The following ANKRD29 variants were observed in gnomAD, a reference collection of about 807,000 sequenced individuals.
ANKRD29 encodes ankyrin repeat domain-containing protein 29.
ANKRD29 carries 32 observed loss-of-function variants against 38.0 expected under a neutral mutation model. The observed-to-expected ratio is 0.84, with a 90% CI of 0.64 to 1.13. The LOEUF (loss-of-function observed/expected upper bound fraction) is 1.13. Among genes scored for constraint, ANKRD29 ranks in the 50% most tolerant of loss-of-function variants. The pLI is 0.00. For synonymous variants in ANKRD29, 135 were observed against 152.4 expected (o/e 0.89, Z 0.84); for missense variants, 357 against 377.9 (o/e 0.94, Z 0.46).
chr18:23,603,973 G>T (rs1462022917), intron 9 of ANKRD29, among the ~76,000 whole-genome samples: 1 of 151,898 alleles, frequency 6.6e-6, no homozygotes, highest in Non-Finnish European at 1.5e-5. Context: ...CTCCCCAGTA[G>T]CTGGGATTAT....
intron 9 of ANKRD29, among the ~76,000 whole-genome samples, chr18:23,601,807 C>G (rs761198850): frequency 4.6e-5 from 7 of 151,792 alleles, no homozygotes; most frequent in Non-Finnish European, 8.8e-5. Flanking sequence ...GTAGCTGGGA[C>G]CACAGATGTG....
intron 8 of ANKRD29, among the ~76,000 whole-genome samples, chr18:23,613,489 CA>C (rs1265771704): frequency 2.0e-5 from 3 of 151,730 alleles, no homozygotes; most frequent in African/African-American, 7.2e-5. Flanking sequence ...TTTAAAAAGC[CA>C]AAAAAGAGCT....
intron 5 of ANKRD29, 39 bp downstream of exon 5, chr18:23,634,012 G>A: frequency 6.3e-7 from 1 of 1,592,896 alleles, no homozygotes; most frequent in Non-Finnish European, 8.6e-7. Context: ...TTTTGTATGT[G>A]ATGAGAAATG....
chr18:23,610,489 A>G (rs1453017563), intron 9 of ANKRD29, among the ~76,000 whole-genome samples: 1 of 152,072 alleles, frequency 6.6e-6, no homozygotes, highest in African/African-American at 2.4e-5. Flanking sequence ...AAACAACAAT[A>G]GCAACAGAAA....
At position 23,637,771 on chromosome 18, in the gene ANKRD29, G is replaced by T. The variant is rs117743699; in HGVS notation, c.330+1078C>A. ...TGATATCTAAATAGTCCACAAAAAG[G>T]ATTAACTAAGAAAACCTAAAAGTTT... On this transcript the variant is annotated intron_variant, in intron 4 of 9. Transcript: ENST00000592179. Among the ~76,000 whole-genome samples the T allele has an allele frequency of 3.0e-3, 461 of 152,098 alleles. 6 individuals are homozygous for T. In the East Asian group the frequency reaches 0.055, roughly 18 times the overall value.
At chr18:23,652,816 G>A (rs1206418324) in intron 1 of ANKRD29, among the ~76,000 whole-genome samples, 1 of 152,196 alleles carries the variant, frequency 6.6e-6, no homozygotes, top group Non-Finnish European at 1.5e-5. Context: ...GGACAACTAA[G>A]TTGAGATCTT....
chr18:23,613,234 G>A (rs1599068752), intron 8 of ANKRD29, among the ~76,000 whole-genome samples: 2 of 146,096 alleles, frequency 1.4e-5, no homozygotes, highest in Admixed American at 7.1e-5. Context: ...GTGCAATGGC[G>A]CAATCTCAGT....
intron 1 of ANKRD29, among the ~76,000 whole-genome samples, chr18:23,656,805 A>AT (rs1403040656): frequency 2.0e-5 from 3 of 152,244 alleles, no homozygotes; most frequent in Non-Finnish European, 4.4e-5. Context: ...GGATAGAAGA[A>AT]TGTTGCTAAT....
chr18:23,614,234 G>A (rs943246283), intron 8 of ANKRD29, among the ~76,000 whole-genome samples: 2 of 151,462 alleles, frequency 1.3e-5, no homozygotes, highest in Non-Finnish European at 2.9e-5. Flanking sequence ...GCTTATTTTT[G>A]TATTTTTAGT....
At chr18:23,640,502 A>G (rs1009253365) in intron 3 of ANKRD29, among the ~76,000 whole-genome samples, 1 of 152,196 alleles carries the variant, frequency 6.6e-6, no homozygotes, top group Non-Finnish European at 1.5e-5. Flanking sequence ...AAAATAAGTA[A>G]TTCACCCACA....
chr18:23,661,296 A>G (rs995378982), intron 1 of ANKRD29, among the ~76,000 whole-genome samples: 4 of 152,212 alleles, frequency 2.6e-5, no homozygotes, highest in Non-Finnish European at 5.9e-5. Context: ...CGAGGAGAGT[A>G]TATCTGTCTA....
rs2059800445 is a variant in ANKRD29 at position 23,621,784 on chromosome 18, C to T, written c.529-2155G>A. On this transcript the variant is annotated intron_variant, in intron 6 of 9. Coordinates refer to ENST00000592179, the MANE Select transcript of ANKRD29 (RefSeq NM_173505.4). ...CAACATCCTGGGCTCAAATGACCCT[C>T]CTATCTCAGCCTTCCTAGTAGCTGA... Among the ~76,000 whole-genome samples the T allele has an allele frequency of 2.0e-5, 3 of 152,120 alleles. No homozygotes were observed. The South Asian group carries it at 6.2e-4, about 32-fold the overall frequency.
At chr18:23,634,743 C>T (rs187713088) in intron 4 of ANKRD29, among the ~76,000 whole-genome samples, 1 of 152,266 alleles carries the variant, frequency 6.6e-6, no homozygotes, top group Admixed American at 6.5e-5. Flanking sequence ...TAGAAAATTC[C>T]TATGCCAAAT....
Position 23,624,466 on chromosome 18 carries a change from C to CAAAAAAAAAAAAAAAAA in ANKRD29, c.529-4854_529-4838dup, listed in dbSNP as rs56005663. 4.6e-4 allele frequency among the ~76,000 whole-genome samples: 15 copies of CAAAAAAAAAAAAAAAAA among 32,440 alleles called. 1 individual carries two copies. The highest frequency in any genetic ancestry group is 1.6e-3 in the Admixed American group (4 of 2,452). 21.3% of individuals were successfully genotyped at this position (32,440 alleles called of 152,430 possible). A position where few individuals can be genotyped will look rare whatever the true frequency, so the allele number is the denominator to read the frequency against. ...TGGGCGACAGAGTGAGACTCCATCTCAAAAAAAAAAAAAAAAAAAAAAAAA... is the reference window on the plus strand; with the variant it reads ...TGGGCGACAGAGTGAGACTCCATCTCAAAAAAAAAAAAAAAAAAAAAAAAAAAAAAAAAAAAAAAAAA... On this transcript the variant is annotated intron_variant, in intron 6 of 9. Coordinates refer to ENST00000592179, the MANE Select transcript of ANKRD29 (RefSeq NM_173505.4).
chr18:23,617,639 C>A (rs1406943822), intron 8 of ANKRD29, 93 bp downstream of exon 8: 8 of 967,700 alleles, frequency 8.3e-6, no homozygotes, highest in Admixed American at 2.0e-5. Context: ...ACTAACCAGG[C>A]TAACTGCACC....
chr18:23,602,602 A>G (rs570714243), intron 9 of ANKRD29, among the ~76,000 whole-genome samples: 155 of 152,210 alleles, frequency 1.0e-3, no homozygotes, highest in South Asian at 2.1e-3. Context: ...GAGTCTAACA[A>G]ATTTTGTTTT....
In ANKRD29 at chr18:23,599,289, T is replaced by G. The variant is rs1333936887; in HGVS notation, c.*1937A>C. 1 of 152,232 alleles carries G rather than the reference T, an allele frequency of 6.6e-6. No individual in the cohort carries two copies. The highest frequency in any genetic ancestry group is 1.5e-5 in the Non-Finnish European group (1 of 68,036). 9.4% of individuals were successfully genotyped at this position (152,232 alleles called of 1,614,324 possible). On this transcript the variant is annotated 3_prime_UTR_variant, in exon 10 of 10. Transcript: ENST00000592179. ...CTCCATATTGTTCAAGCTACTGGCT[T>G]CAATTTTATGGCTCTAATATTGTTC...
At chr18:23,611,348 C>T (rs1250331403) in intron 9 of ANKRD29, among the ~76,000 whole-genome samples, 2 of 152,098 alleles carry the variant, frequency 1.3e-5, no homozygotes, top group Admixed American at 6.5e-5. Context: ...AACTGCTCTC[C>T]CTTTCTTCCT....
At chr18:23,616,576 C>T (rs1195296000) in intron 8 of ANKRD29, among the ~76,000 whole-genome samples, 3 of 129,474 alleles carry the variant, frequency 2.3e-5, no homozygotes, top group African/African-American at 3.3e-5. Context: ...ACTATATATA[C>T]AGTATATATA....
Sources: allele counts gnomAD v4.1 joint callset (sites outside exome capture counted in the v4.1 genomes callset), GRCh38; gene constraint gnomAD v4.1.1; transcripts MANE v1.5; gene names NCBI Gene and HGNC (gene_info 2026-07-23, HGNC 2026-07-21).